Variants in TMEM232 observed in about 807,000 individuals in gnomAD.
TMEM232 encodes transmembrane protein 232.
TMEM232 carries 80 observed loss-of-function variants against 78.8 expected under a neutral mutation model. That is an observed-to-expected ratio of 1.01 (90% CI 0.85 to 1.22). TMEM232 has a LOEUF of 1.22. Ranked by LOEUF, TMEM232 falls within the 50% of genes most tolerant of loss-of-function variation. The pLI is 0.00. For missense variants in TMEM232, 881 were observed against 742.2 expected (o/e 1.19, Z -2.17); for synonymous variants, 297 against 254.3 (o/e 1.17, Z -1.60).
chr5:110,629,333 A>G (rs367563433), intron 5 of TMEM232, among the ~76,000 whole-genome samples: 6 of 152,286 alleles, frequency 3.9e-5, no homozygotes, highest in African/African-American at 1.4e-4. Flanking sequence ...TTATATCTCA[A>G]TTTGGTCATG....
chr5:110,599,384 T>A (rs746950193), intron 10 of TMEM232, among the ~76,000 whole-genome samples: 2 of 152,040 alleles, frequency 1.3e-5, no homozygotes, highest in Admixed American at 6.6e-5. Context: ...GAAAACTGGA[T>A]AAAGAGTCAA....
At chr5:110,589,779 G>A (rs1779285721) in intron 10 of TMEM232, among the ~76,000 whole-genome samples, 1 of 151,998 alleles carries the variant, frequency 6.6e-6, no homozygotes. Context: ...ATAAAATAAA[G>A]TTAATTATTA....
chr5:110,629,409 G>A (rs1053012152), intron 5 of TMEM232, among the ~76,000 whole-genome samples: 1 of 152,006 alleles, frequency 6.6e-6, no homozygotes, highest in African/African-American at 2.4e-5. Flanking sequence ...TTAAAAGCTT[G>A]CATCTTAATA....
intron 12 of TMEM232, among the ~76,000 whole-genome samples, chr5:110,447,268 T>C (rs1231526723): frequency 1.3e-5 from 2 of 152,004 alleles, no homozygotes; most frequent in Admixed American, 6.6e-5. Context: ...GAATTTCTAC[T>C]GAGGGGAAGA....
intron 8 of TMEM232, among the ~76,000 whole-genome samples, chr5:110,614,221 C>A (rs937034770): frequency 3.9e-5 from 6 of 152,118 alleles, no homozygotes; most frequent in South Asian, 2.1e-4. Flanking sequence ...AAAATATCCT[C>A]CCAGAAAAAG....
intron 1 of TMEM232, among the ~76,000 whole-genome samples, chr5:110,702,766 C>T (rs115016249): frequency 0.012 from 1,779 of 151,998 alleles, 43 homozygotes; most frequent in African/African-American, 0.04. Flanking sequence ...CCATTGTGTC[C>T]CTTGTGGACA....
rs147166647 is a variant in TMEM232, at chr5:110,632,132, C to T, written c.502-4252G>A. Among the ~76,000 whole-genome samples the T allele has an allele frequency of 7.0e-3, 1,068 of 152,098 alleles. 6 individuals carry two copies. The highest frequency in any genetic ancestry group is 0.02 in the Middle Eastern group (6 of 294). ...TAAACCACTGGGAAATCATAGATACCACTGATGCTGTTTACAGCCAAAGAA... is the reference window on the plus strand; with the variant it reads ...TAAACCACTGGGAAATCATAGATACTACTGATGCTGTTTACAGCCAAAGAA... On this transcript the variant is annotated intron_variant, in intron 5 of 13. Transcript: ENST00000455884.
intron 12 of TMEM232, among the ~76,000 whole-genome samples, chr5:110,429,003 G>A (rs1293971164): frequency 1.3e-5 from 2 of 151,840 alleles, no homozygotes; most frequent in Non-Finnish European, 2.9e-5. Context: ...TTACATTGAA[G>A]TGAAGAGGAG....
At chr5:110,524,964 T>C (rs941852576) in intron 12 of TMEM232, among the ~76,000 whole-genome samples, 1 of 152,074 alleles carries the variant, frequency 6.6e-6, no homozygotes, top group Non-Finnish European at 1.5e-5. Context: ...CCACACCTGC[T>C]CTCCTTTGGT....
At chr5:110,445,640 G>A (rs1054449513) in intron 12 of TMEM232, among the ~76,000 whole-genome samples, 1 of 152,126 alleles carries the variant, frequency 6.6e-6, no homozygotes, top group African/African-American at 2.4e-5. Flanking sequence ...CATGGTCTCT[G>A]GCACAGGGTC....
intron 5 of TMEM232, among the ~76,000 whole-genome samples, chr5:110,630,782 C>A (rs1785021304): frequency 6.6e-6 from 1 of 152,100 alleles, no homozygotes; most frequent in African/African-American, 2.4e-5. Flanking sequence ...GCAAAATCGG[C>A]TGGGAACACA....
intron 10 of TMEM232, among the ~76,000 whole-genome samples, chr5:110,603,140 AGGGGTTG>A (rs1416592031): frequency 2.6e-5 from 4 of 152,180 alleles, no homozygotes; most frequent in Admixed American, 2.6e-4. Flanking sequence ...CGGGCCTGTC[AGGGGTTG>A]GGGGCAAGGG....
intron 12 of TMEM232, among the ~76,000 whole-genome samples, chr5:110,511,165 A>G (rs1332543081): frequency 1.3e-5 from 2 of 152,130 alleles, no homozygotes; most frequent in Non-Finnish European, 2.9e-5. Context: ...GAAGCTGGAA[A>G]CCATCATTCT....
chr5:110,447,737 A>G (rs1242048220), intron 12 of TMEM232, among the ~76,000 whole-genome samples: 1 of 152,136 alleles, frequency 6.6e-6, no homozygotes, highest in East Asian at 1.9e-4. Flanking sequence ...AAGATTTGAA[A>G]TGAAGAAGCA....
At chr5:110,570,822 A>G (rs181336586) in intron 10 of TMEM232, among the ~76,000 whole-genome samples, 1 of 151,976 alleles carries the variant, frequency 6.6e-6, no homozygotes, top group African/African-American at 2.4e-5. Context: ...ATTTGTCCCT[A>G]TGTAAATTCC....
At chr5:110,572,327 G>A (rs561613163) in intron 10 of TMEM232, among the ~76,000 whole-genome samples, 16 of 152,096 alleles carry the variant, frequency 1.1e-4, no homozygotes, top group African/African-American at 3.9e-4. Context: ...TGGGTCATTA[G>A]CTTGAAGTCA....
At chr5:110,399,541 C>T (rs1210979198) in intron 2 of TMEM232, among the ~76,000 whole-genome samples, 2 of 151,876 alleles carry the variant, frequency 1.3e-5, no homozygotes, top group African/African-American at 4.8e-5. Context: ...CTGCTTTATC[C>T]TTCTTCTAAA....
chr5:110,698,549 T>A (rs1037985264), intron 1 of TMEM232, among the ~76,000 whole-genome samples: 2 of 152,076 alleles, frequency 1.3e-5, no homozygotes, highest in Non-Finnish European at 2.9e-5. Flanking sequence ...ACAGGACTCA[T>A]CTTAAGGAAC....
intron 2 of TMEM232, among the ~76,000 whole-genome samples, chr5:110,732,781 T>C (rs1798804197): frequency 6.6e-6 from 1 of 152,236 alleles, no homozygotes; most frequent in Non-Finnish European, 1.5e-5. Context: ...CATTAGGATT[T>C]TTAAATGCTA....
Sources: gnomAD v4.1 joint callset for allele counts (sites outside exome capture counted in the v4.1 genomes callset) on GRCh38, gnomAD v4.1.1 for gene constraint, MANE v1.5 for transcripts, NCBI Gene and HGNC (gene_info 2026-07-23, HGNC 2026-07-21) for gene names.